ZNF541: variants seen among roughly 807,000 people sequenced by gnomAD.
The protein encoded by ZNF541 is zinc finger protein 541.
ZNF541 carries 23 observed loss-of-function variants against 123.5 expected under a neutral mutation model. The observed-to-expected ratio is 0.19, with a 90% CI of 0.13 to 0.26. ZNF541 has a LOEUF of 0.26. ZNF541 is among the 10% of genes least tolerant of loss of function. The pLI, the probability that ZNF541 is intolerant of heterozygous loss-of-function variation, is 1.00. For missense variants in ZNF541, 1,612 were observed against 1,789.9 expected (o/e 0.90, Z 1.79); for synonymous variants, 751 against 754.5 (o/e 1.00, Z 0.08).
intron 2 of ZNF541, among the ~76,000 whole-genome samples, chr19:47,570,707 A>G (rs967403920): frequency 6.6e-6 from 1 of 152,002 alleles, no homozygotes; most frequent in African/African-American, 2.4e-5. Context: ...AATACAGCAA[A>G]TGCCAGTAGA....
At position 47,567,010 on chromosome 19, in the gene ZNF541, C is replaced by T. The variant is rs563441185; in HGVS notation, c.-99+4886G>A. 5.9e-5 allele frequency among the ~76,000 whole-genome samples: 9 copies of T among 151,536 alleles called. No homozygotes were observed. The East Asian group carries it at 1.2e-3, about 20-fold the overall frequency. On this transcript the variant is annotated intron_variant, in intron 2 of 16. Coordinates refer to ENST00000391901, the MANE Select transcript of ZNF541 (RefSeq NM_001277075.3). ...AGCTTGCAGTGAGCCAAGATCAGGC[C>T]GCTGCACTCCAGCCTGGGCCACAGA...
At position 47,521,195 on chromosome 19, in the gene ZNF541, G is replaced by A; in HGVS notation, c.*29C>T. 1.3e-6 allele frequency: 2 copies of A among 1,547,364 alleles called. No homozygotes were observed. Among genetic ancestry groups the A allele is most frequent in the Non-Finnish European group, 8.7e-7 (1 of 1,144,510 alleles). Reference sequence around the variant, plus strand: ...CGAAGGGAGGAGGGGCAGCACTGGAGGCCCCATTCGGACTTGCTGCCACGG... The same window carrying A: ...CGAAGGGAGGAGGGGCAGCACTGGAAGCCCCATTCGGACTTGCTGCCACGG... On this transcript the variant is annotated 3_prime_UTR_variant, in exon 17 of 17. Coordinates refer to ENST00000391901, the MANE Select transcript of ZNF541 (RefSeq NM_001277075.3). This position sits in a 1 kb window ranked among gnomAD's most constrained non-coding sequence, Gnocchi z 4.2.
At chr19:47,524,706 TAA>T (rs1159585510) in intron 14 of ZNF541, among the ~76,000 whole-genome samples, 41 of 96,672 alleles carry the variant, frequency 4.2e-4, no homozygotes, top group South Asian at 3.3e-4. Flanking sequence ...AGACTCTGTC[TAA>T]AAAAAAAAAA....
chr19:47,523,652 T>C (rs1455538419), intron 14 of ZNF541, among the ~76,000 whole-genome samples: 5 of 152,028 alleles, frequency 3.3e-5, no homozygotes, highest in African/African-American at 1.2e-4. Flanking sequence ...ACACCAGGCG[T>C]CATTCAACAA....
rs1351113735 is a variant in ZNF541 at position 47,533,056 on chromosome 19, T to C, written c.3095-84A>G. On this transcript the variant is annotated intron_variant, in intron 9 of 16. Transcript: ENST00000391901. Reference sequence around the variant, plus strand: ...CTCTGCCTGCCTGTGTGGACGCAGCTGAAAGCAGGGTCTTTAAGATCCCAT... The same window carrying C: ...CTCTGCCTGCCTGTGTGGACGCAGCCGAAAGCAGGGTCTTTAAGATCCCAT... 6 of 1,333,366 alleles carry C rather than the reference T, an allele frequency of 4.5e-6. No individual in the cohort carries two copies. The East Asian group carries it at 1.6e-4, about 35-fold the overall frequency. 82.6% of individuals were successfully genotyped at this position (1,333,366 alleles called of 1,614,324 possible).
chr19:47,542,438 C>T (rs1416150581), intron 5 of ZNF541, among the ~76,000 whole-genome samples: 1 of 151,836 alleles, frequency 6.6e-6, no homozygotes, highest in Non-Finnish European at 1.5e-5. Context: ...AGCACATCAC[C>T]TGAGGTCAGG....
At chr19:47,524,450 A>G (rs1969189726) in intron 14 of ZNF541, among the ~76,000 whole-genome samples, 1 of 152,174 alleles carries the variant, frequency 6.6e-6, no homozygotes, top group African/African-American at 2.4e-5. Flanking sequence ...GCTCACTTGA[A>G]ATCCCAGCAC....
At chr19:47,565,195 T>C (rs904935998) in intron 2 of ZNF541, among the ~76,000 whole-genome samples, 1 of 151,962 alleles carries the variant, frequency 6.6e-6, no homozygotes, top group African/African-American at 2.4e-5. Context: ...AGACTACAAA[T>C]TGGGTTCAAT....
intron 14 of ZNF541, among the ~76,000 whole-genome samples, chr19:47,527,029 T>C (rs1290997116): frequency 2.0e-5 from 3 of 152,202 alleles, no homozygotes; most frequent in Non-Finnish European, 4.4e-5. Flanking sequence ...ACCTGGAACA[T>C]GGATGAACTC....
chr19:47,568,257 G>A (rs1315276640), intron 2 of ZNF541, among the ~76,000 whole-genome samples: 4 of 152,096 alleles, frequency 2.6e-5, no homozygotes, highest in African/African-American at 9.7e-5. Flanking sequence ...CCAGGGAAAG[G>A]GTCATCAAGT....
chr19:47,540,778 C>T (rs922542915), intron 6 of ZNF541, 115 bp downstream of exon 6: 3 of 1,049,496 alleles, frequency 2.9e-6, no homozygotes, highest in Admixed American at 2.6e-5. Context: ...GGAGGCTGTA[C>T]CCTAATCCCA....
intron 14 of ZNF541, among the ~76,000 whole-genome samples, chr19:47,523,321 C>T (rs1366652393): frequency 2.1e-5 from 3 of 143,448 alleles, no homozygotes; most frequent in Admixed American, 2.1e-4. Context: ...AGCCACCGCG[C>T]CCGGCGAGCG....
In ZNF541 at chr19:47,531,713, C is replaced by T; in HGVS notation, c.3334G>A (p.Val1112Met). The T allele has an allele frequency of 6.5e-7, 1 of 1,548,908 alleles. No individual in the cohort carries two copies. The highest frequency in any genetic ancestry group is 8.7e-7 in the Non-Finnish European group (1 of 1,144,924). Residue 1112 changes from valine (V) to methionine (M), a missense_variant, in exon 12 of 17, where the codon GTG becomes ATG. By Grantham distance (21) the Val-to-Met change is conservative. Transcript: ENST00000391901. ...TELCNVACSS[V>M]MPGGGTNLEL... ...AGGTTGGTGCCCCCTCCTGGCATCA[C>T]GCTGGAGCATGCCACATTGCAGAGC...
intron 2 of ZNF541, among the ~76,000 whole-genome samples, chr19:47,569,890 GAGAAA>G (rs999865253): frequency 3.8e-4 from 57 of 151,168 alleles, no homozygotes; most frequent in Non-Finnish European, 7.4e-4. Context: ...GAAAAGAAAG[GAGAAA>G]AGAAAAGAGC....
At chr19:47,566,659 T>C (rs999272817) in intron 2 of ZNF541, among the ~76,000 whole-genome samples, 3 of 151,876 alleles carry the variant, frequency 2.0e-5, no homozygotes. Context: ...GGCAGGAGAA[T>C]TGCTTGAACT....
intron 12 of ZNF541, 44 bp from the exon 13 acceptor site, chr19:47,529,696 A>G: frequency 6.6e-7 from 1 of 1,521,644 alleles, no homozygotes; most frequent in South Asian, 1.2e-5. Context: ...CAGGTGGGGG[A>G]AGAGGACCAC....
chr19:47,532,364 C>T (rs1969613796), intron 10 of ZNF541, 94 bp from the exon 11 acceptor site: 2 of 1,393,396 alleles, frequency 1.4e-6, no homozygotes, highest in South Asian at 2.6e-5. Context: ...GCTCTTGGGC[C>T]ACAGCCTGCT....
At chr19:47,540,439 T>C in intron 6 of ZNF541, 104 bp from the exon 7 acceptor site, 16 of 1,238,630 alleles carry the variant, frequency 1.3e-5, no homozygotes, top group Non-Finnish European at 1.7e-5. Context: ...TCCAATCCAC[T>C]GACTTTTTTT....
chr19:47,558,373 G>A (rs972752925), intron 2 of ZNF541, among the ~76,000 whole-genome samples: 10 of 151,626 alleles, frequency 6.6e-5, no homozygotes. Context: ...CCGAGATCGT[G>A]CCACTGCACT....
Sources: gnomAD v4.1 joint callset for allele counts (sites outside exome capture counted in the v4.1 genomes callset) on GRCh38, gnomAD v4.1.1 for gene constraint, Gnocchi (gnomAD v3.1) non-coding constraint, MANE v1.5 for transcripts, NCBI Gene and HGNC (gene_info 2026-07-23, HGNC 2026-07-21) for gene names.